The following RSRC1 variants were observed in gnomAD, a reference collection of about 807,000 sequenced individuals.
RSRC1 encodes serine/Arginine-related protein 53.
In RSRC1, 39 loss-of-function variants were observed where a neutral mutation model predicts 49.1. That is an observed-to-expected ratio of 0.79 (90% confidence interval 0.61 to 1.04). RSRC1 has a LOEUF of 1.04. Ranked by LOEUF, RSRC1 falls within the 50% of genes least tolerant of loss-of-function variation. The pLI, the probability that RSRC1 is intolerant of heterozygous loss-of-function variation, is 0.00. For synonymous variants in RSRC1, 143 were observed against 130.8 expected (o/e 1.09, Z -0.63); for missense variants, 388 against 402.4 (o/e 0.96, Z 0.31).
intron 3 of RSRC1, among the ~76,000 whole-genome samples, chr3:158,173,111 C>T (rs1338318618): frequency 6.6e-6 from 1 of 151,916 alleles, no homozygotes; most frequent in Non-Finnish European, 1.5e-5. Flanking sequence ...TACATATACA[C>T]ATATCAAATA....
In RSRC1 at chr3:158,191,166, A is replaced by G. The variant is rs78097054; in HGVS notation, c.321-11906A>G. On this transcript the variant is annotated intron_variant, in intron 3 of 9. Transcript: ENST00000611884. ...CACCGGTGGACACCTCCCTTTCCAA[A>G]GCGCATCACTCCTAGAGTGTAGGTC... is the stretch of plus-strand genomic sequence containing the variant. 4.3e-3 allele frequency among the ~76,000 whole-genome samples: 659 copies of G among 151,918 alleles called. 6 individuals are homozygous for G. The highest frequency in any genetic ancestry group is 0.015 in the African/African-American group (637 of 41,458).
intron 7 of RSRC1, among the ~76,000 whole-genome samples, chr3:158,462,421 C>G (rs535844409): frequency 2.0e-5 from 3 of 151,774 alleles, no homozygotes; most frequent in Admixed American, 6.6e-5. Context: ...TCTGTGGTAC[C>G]GTAAATCACG....
chr3:158,479,121 A>G (rs1578527535), intron 7 of RSRC1, among the ~76,000 whole-genome samples: 1 of 151,268 alleles, frequency 6.6e-6, no homozygotes, highest in East Asian at 1.9e-4. Flanking sequence ...TACCAAATAA[A>G]TAAAATATGT....
At chr3:158,133,415 A>G (rs1316660968) in intron 3 of RSRC1, among the ~76,000 whole-genome samples, 1 of 152,238 alleles carries the variant, frequency 6.6e-6, no homozygotes, top group African/African-American at 2.4e-5. Context: ...CTATAAATTT[A>G]AAACTGTCCT....
At chr3:158,199,591 G>A (rs894693976) in intron 3 of RSRC1, among the ~76,000 whole-genome samples, 28 of 151,990 alleles carry the variant, frequency 1.8e-4, no homozygotes, top group African/African-American at 6.0e-4. Flanking sequence ...GCTTCTTCAA[G>A]TGAAACCTTA....
chr3:158,510,343 T>C (rs557982968), intron 7 of RSRC1, among the ~76,000 whole-genome samples: 3 of 152,348 alleles, frequency 2.0e-5, no homozygotes, highest in South Asian at 2.1e-4. Context: ...ATTACAGATA[T>C]CTTCTCTTAG....
intron 4 of RSRC1, among the ~76,000 whole-genome samples, chr3:158,260,904 A>G (rs1044754558): frequency 1.3e-5 from 2 of 152,172 alleles, no homozygotes; most frequent in African/African-American, 4.8e-5. Flanking sequence ...AAGTGCACAG[A>G]TTCTGTCTCT....
Position 158,289,166 on chromosome 3 carries a change from A to G in RSRC1, c.495-8873A>G, listed in dbSNP as rs575132314. ...CCTCTTTTATTGGTTCTTTTACATC[A>G]GATCTACTGATGACAAAATTTTAGT... is the stretch of plus-strand genomic sequence containing the variant. On this transcript the variant is annotated intron_variant, in intron 4 of 9. Coordinates refer to ENST00000611884, the MANE Select transcript of RSRC1 (RefSeq NM_001271838.2). Among the ~76,000 whole-genome samples, 86 of 152,278 alleles carry G rather than the reference A, an allele frequency of 5.6e-4. 4 individuals carry two copies. In the South Asian group the frequency reaches 0.017, roughly 30 times the overall value.
chr3:158,497,145 A>G (rs550048177), intron 7 of RSRC1, among the ~76,000 whole-genome samples: 5 of 152,236 alleles, frequency 3.3e-5, no homozygotes, highest in Admixed American at 3.3e-4. Context: ...TGTACAACAG[A>G]TCTCCAGAAC....
chr3:158,207,670 G>GATAGATAGATAGATAAAC (rs1559943262), intron 4 of RSRC1, among the ~76,000 whole-genome samples: 1 of 67,160 alleles, frequency 1.5e-5, no homozygotes, highest in Non-Finnish European at 2.9e-5. Context: ...GATAGACAGA[G>GATAGATAGATAGATAAAC]AGACAGACAG....
intron 4 of RSRC1, among the ~76,000 whole-genome samples, chr3:158,207,958 T>A (rs934185624): frequency 1.7e-4 from 26 of 152,256 alleles, no homozygotes; most frequent in African/African-American, 5.8e-4. Flanking sequence ...GTAGAATTCG[T>A]CTTATAATGT....
intron 1 of RSRC1, among the ~76,000 whole-genome samples, chr3:158,118,413 CTGTGTGTGTG>C (rs57257889): frequency 0.014 from 1,255 of 90,108 alleles, 9 homozygotes; most frequent in Middle Eastern, 0.053. Context: ...ACCTGGCCTT[CTGTGTGTGTG>C]TGTGTGTGTG....
intron 7 of RSRC1, among the ~76,000 whole-genome samples, chr3:158,487,946 CAAG>C (rs1301888278): frequency 7.8e-4 from 9 of 11,480 alleles, no homozygotes; most frequent in South Asian, 4.3e-3. Context: ...GACTCCATCT[CAAG>C]AAAAAAAAAA....
At chr3:158,452,941 CTT>C (rs1342224326) in intron 6 of RSRC1, among the ~76,000 whole-genome samples, 3 of 152,126 alleles carry the variant, frequency 2.0e-5, no homozygotes, top group Non-Finnish European at 4.4e-5. Context: ...TTTCTGCCCT[CTT>C]TCTATGCATT....
chr3:158,504,498 T>C (rs1016357983), intron 7 of RSRC1, among the ~76,000 whole-genome samples: 1 of 152,230 alleles, frequency 6.6e-6, no homozygotes, highest in Non-Finnish European at 1.5e-5. Context: ...GATAAAATGT[T>C]GCTTTGCTGT....
intron 6 of RSRC1, among the ~76,000 whole-genome samples, chr3:158,366,308 T>A (rs553664478): frequency 6.6e-6 from 1 of 152,354 alleles, no homozygotes; most frequent in East Asian, 1.9e-4. Context: ...TAATCCATCT[T>A]GAGTTACTTT....
At chr3:158,278,566 A>C (rs1725949679) in intron 4 of RSRC1, among the ~76,000 whole-genome samples, 2 of 152,232 alleles carry the variant, frequency 1.3e-5, no homozygotes, top group South Asian at 4.1e-4. Context: ...TGGACTCATG[A>C]AAAACCAAGC....
At chr3:158,258,541 G>T (rs1724704453) in intron 4 of RSRC1, among the ~76,000 whole-genome samples, 5 of 151,914 alleles carry the variant, frequency 3.3e-5, no homozygotes, top group Admixed American at 3.3e-4. Context: ...GGTTAAATCT[G>T]CTTGGTGTTC....
intron 7 of RSRC1, among the ~76,000 whole-genome samples, chr3:158,496,195 C>T (rs1357198408): frequency 1.3e-5 from 2 of 152,096 alleles, no homozygotes; most frequent in African/African-American, 2.4e-5. Flanking sequence ...AGTTACTCTT[C>T]CTCTGAATAA....
Sources: allele counts gnomAD v4.1 joint callset (sites outside exome capture counted in the v4.1 genomes callset), GRCh38; gene constraint gnomAD v4.1.1; transcripts MANE v1.5; gene names NCBI Gene and HGNC (gene_info 2026-07-23, HGNC 2026-07-21).